The following PYHIN1 variants were observed in gnomAD, a reference collection of about 807,000 sequenced individuals.
PYHIN1 encodes the protein pyrin and HIN domain-containing protein 1.
Under a neutral mutation model 43.7 loss-of-function variants are expected in PYHIN1, and 32 were observed. The ratio of observed to expected loss-of-function variants is 0.73; its 90% CI spans 0.55 to 0.98. The LOEUF is 0.98. Among genes scored for constraint, PYHIN1 ranks in the 50% least tolerant of loss-of-function variants. The pLI is 0.00. For missense variants in PYHIN1, 588 were observed against 589.5 expected, an observed-to-expected ratio of 1.00 and a Z score of 0.03; for synonymous variants, 205 against 203.1, an observed-to-expected ratio of 1.01 and a Z score of -0.08.
intron 8 of PYHIN1, among the ~76,000 whole-genome samples, chr1:158,975,347 G>A (rs1651195642): frequency 6.6e-6 from 1 of 151,964 alleles, no homozygotes; most frequent in Non-Finnish European, 1.5e-5. Context: ...CTAAATCAAA[G>A]AGCCCAGAAT....
intron 7 of PYHIN1, among the ~76,000 whole-genome samples, chr1:158,961,137 ATG>A (rs1175685389): frequency 6.6e-6 from 1 of 152,190 alleles, no homozygotes; most frequent in Non-Finnish European, 1.5e-5. Flanking sequence ...CTATATGTAT[ATG>A]TATATTATCA....
At chr1:158,939,048 A>G in intron 3 of PYHIN1, 32 bp from the exon 4 acceptor site, 2 of 1,504,764 alleles carry the variant, frequency 1.3e-6, no homozygotes, top group Non-Finnish European at 1.8e-6. Flanking sequence ...TGACACTGAA[A>G]GTAATTAACA....
intron 7 of PYHIN1, among the ~76,000 whole-genome samples, chr1:158,952,766 AG>A (rs1649635814): frequency 6.7e-6 from 1 of 149,120 alleles, no homozygotes; most frequent in Admixed American, 6.6e-5. Flanking sequence ...ATGGCCGAAC[AG>A]GAATAGCTCC....
chr1:158,980,565 C>T (rs952709731), downstream of PYHIN1, among the ~76,000 whole-genome samples: 4 of 152,082 alleles, frequency 2.6e-5, no homozygotes, highest in Admixed American at 2.6e-4. Context: ...GAATGTCTGA[C>T]TTGTGCAGTT....
In PYHIN1 at chr1:158,965,926, G is replaced by C. The variant is rs190799805; in HGVS notation, c.1360-7721G>C. Among the ~76,000 whole-genome samples, 342 of 151,660 alleles carry C rather than the reference G, an allele frequency of 2.3e-3. 1 individual carries two copies. Among genetic ancestry groups the C allele is most frequent in the Admixed American group, 5.5e-3 (84 of 15,236 alleles). ...AAGAAATTGAGATGTGAAAAAAACA[G>C]ACAAAGATCAACGAATCCAGGAGTT... On this transcript the variant is annotated intron_variant, in intron 7 of 8. Coordinates refer to ENST00000368140, the MANE Select transcript of PYHIN1 (RefSeq NM_152501.5).
chr1:158,975,325 G>C (rs1467950596), intron 8 of PYHIN1, among the ~76,000 whole-genome samples: 1 of 151,904 alleles, frequency 6.6e-6, no homozygotes, highest in Non-Finnish European at 1.5e-5. Flanking sequence ...TTCATCTTTT[G>C]TCATGACTCT....
rs780826031 is a variant in PYHIN1, at chr1:158,942,005, C to A, written c.608C>A (p.Ala203Glu). 15 of 1,610,074 alleles carry A rather than the reference C, an allele frequency of 9.3e-6. No individual in the cohort carries two copies. The South Asian group carries it at 1.7e-4, about 18-fold the overall frequency. ...CTAAAACCATTGGCCAACCGTCACG[C>A]AACTGCCAGTAAAAATATTTTCCGA... is the stretch of plus-strand genomic sequence containing the variant. ...ESLKPLANRH[A>E]TASKNIFRED... is the part of the protein sequence containing the mutation. The change falls in exon 5 of 9, where the codon GCA becomes GAA. Residue 203 changes from alanine to glutamate, a missense_variant. Physicochemically the swap from Ala to Glu is moderately radical, Grantham distance 107. Transcript: ENST00000368140.
At chr1:158,938,368 T>A (rs1257057293) in intron 2 of PYHIN1, 29 bp from the exon 3 acceptor site, 1 of 1,613,426 alleles carries the variant, frequency 6.2e-7, no homozygotes, top group African/African-American at 1.3e-5. Flanking sequence ...CTGCTCTGGG[T>A]TTATACATCT....
chr1:158,937,208 A>G, intron 2 of PYHIN1, 33 bp downstream of exon 2: 1 of 1,536,728 alleles, frequency 6.5e-7, no homozygotes, highest in Non-Finnish European at 8.7e-7. Context: ...CACTCCCTGC[A>G]ATGATCCCCA....
intron 1 of PYHIN1, among the ~76,000 whole-genome samples, chr1:158,935,509 C>G (rs1375092263): frequency 1.3e-5 from 2 of 152,016 alleles, no homozygotes; most frequent in Non-Finnish European, 2.9e-5. Context: ...ATATTCCAGC[C>G]AATAAATCCT....
the PYHIN1 span, among the ~76,000 whole-genome samples, chr1:158,982,344 T>A: frequency 1.3e-5 from 2 of 152,276 alleles, no homozygotes; most frequent in South Asian, 4.1e-4. Flanking sequence ...GTTCCAGTTT[T>A]AATTTTCTGT....
the PYHIN1 span, among the ~76,000 whole-genome samples, chr1:158,989,319 T>C: frequency 6.6e-6 from 1 of 152,178 alleles, no homozygotes; most frequent in African/African-American, 2.4e-5. Flanking sequence ...ATATTTTGCA[T>C]TTCATCAGGA....
intron 3 of PYHIN1, 128 bp downstream of exon 3, chr1:158,938,670 AT>A: frequency 1.1e-6 from 1 of 904,132 alleles, no homozygotes; most frequent in Non-Finnish European, 1.6e-6. Context: ...GATTTATCAA[AT>A]TACATAATAA....
chr1:158,935,029 A>G (rs1437391970), intron 1 of PYHIN1, among the ~76,000 whole-genome samples: 1 of 152,172 alleles, frequency 6.6e-6, no homozygotes, highest in Non-Finnish European at 1.5e-5. Context: ...AGGAATCCAT[A>G]GCATGCTTTG....
Position 158,942,053 on chromosome 1 carries a change from T to C in PYHIN1, c.656T>C (p.Val219Ala), listed in dbSNP as rs1275933167. 6.2e-6 allele frequency: 10 copies of C among 1,613,846 alleles called. No homozygotes were observed. Among genetic ancestry groups the C allele is most frequent in the Non-Finnish European group, 8.5e-6 (10 of 1,179,962 alleles). ...CGAGAAGACCCAATAATCGCGATGG[T>C]ACTAAATGCAACAAAAGTATTTAAA... ...IFREDPIIAM[V>A]LNATKVFKYE... The change falls in exon 5 of 9, where the codon GTA becomes GCA. Residue 219 changes from valine (V) to alanine (A), a missense_variant. Coordinates refer to ENST00000368140, the MANE Select transcript of PYHIN1 (RefSeq NM_152501.5).
At chr1:158,981,435 C>T (rs1174075476), downstream of PYHIN1, among the ~76,000 whole-genome samples, 1 of 152,136 alleles carries the variant, frequency 6.6e-6, no homozygotes, top group Non-Finnish European at 1.5e-5. Flanking sequence ...TGTGCCATTG[C>T]ACTCCAGCCT....
chr1:158,989,569 C>G, the PYHIN1 span, among the ~76,000 whole-genome samples: 21 of 152,278 alleles, frequency 1.4e-4, no homozygotes, highest in East Asian at 5.8e-4. Context: ...AGTGGAACAT[C>G]ATGTAACGAT....
intron 7 of PYHIN1, among the ~76,000 whole-genome samples, chr1:158,957,758 A>T (rs1571760118): frequency 1.4e-5 from 2 of 146,206 alleles, no homozygotes; most frequent in East Asian, 4.0e-4. Flanking sequence ...GACAAATGGG[A>T]TCTAATTAAA....
intron 7 of PYHIN1, among the ~76,000 whole-genome samples, chr1:158,948,163 T>A (rs1442106245): frequency 6.6e-6 from 1 of 152,220 alleles, no homozygotes; most frequent in African/African-American, 2.4e-5. Flanking sequence ...TGGCTTTGCA[T>A]CCTAGAATTA....
Sources: allele counts gnomAD v4.1 joint callset (sites outside exome capture counted in the v4.1 genomes callset), GRCh38; gene constraint gnomAD v4.1.1; transcripts MANE v1.5; gene names NCBI Gene and HGNC (gene_info 2026-07-23, HGNC 2026-07-21).